Variants in TBXAS1 observed in about 807,000 individuals in gnomAD.
The protein encoded by TBXAS1 is thromboxane A synthase 1, also known as thromboxane-A synthase.
Under a neutral mutation model 60.7 loss-of-function variants are expected in TBXAS1, and 48 were observed. The observed-to-expected ratio is 0.79, with a 90% CI of 0.63 to 1.01. The LOEUF (loss-of-function observed/expected upper bound fraction) is 1.01. TBXAS1 is among the 50% of genes least tolerant of loss of function. TBXAS1 has a pLI of 0.00. For missense variants in TBXAS1, 685 were observed against 686.3 expected, an observed-to-expected ratio of 1.00 and a Z score of 0.02; for synonymous variants, 287 against 269.7, an observed-to-expected ratio of 1.06 and a Z score of -0.63.
intron 8 of TBXAS1, among the ~76,000 whole-genome samples, 181 bp downstream of exon 8, chr7:139,957,945 C>G (rs1484909244): frequency 2.0e-5 from 3 of 152,020 alleles, no homozygotes; most frequent in African/African-American, 7.2e-5. Flanking sequence ...GAAGGTCAGA[C>G]AAGAAAGGGA....
chr7:139,969,167 A>T (rs1811010282), intron 9 of TBXAS1, among the ~76,000 whole-genome samples: 1 of 152,204 alleles, frequency 6.6e-6, no homozygotes, highest in Non-Finnish European at 1.5e-5. Flanking sequence ...TAAATTTATC[A>T]CAGACTGGAT....
At chr7:139,822,861 T>C (rs984753745) in intron 4 of TBXAS1, among the ~76,000 whole-genome samples, 1 of 152,180 alleles carries the variant, frequency 6.6e-6, no homozygotes, top group African/African-American at 2.4e-5. Context: ...GGTCCTCATG[T>C]CAGGTAGAAA....
At chr7:140,015,672 C>A in intron 10 of TBXAS1, 51 bp from the exon 11 acceptor site, 1 of 1,607,442 alleles carries the variant, frequency 6.2e-7, no homozygotes. Flanking sequence ...GCCCCAAGCT[C>A]TGCTCCTCAT....
At chr7:139,903,135 C>T (rs1804706953) in intron 3 of TBXAS1, among the ~76,000 whole-genome samples, 1 of 152,048 alleles carries the variant, frequency 6.6e-6, no homozygotes, top group Admixed American at 6.5e-5. Flanking sequence ...TCCATTGTAT[C>T]ATTCGTATGC....
At position 139,955,594 on chromosome 7, in the gene TBXAS1, C is replaced by T. The variant is rs776662753; in HGVS notation, c.675C>T (p.Ile225=). The change falls in exon 7 of 13, where the codon ATC becomes ATT. Residue 225 remains isoleucine (I), a synonymous_variant. Coordinates refer to ENST00000448866, the MANE Select transcript of TBXAS1 (RefSeq NM_001061.7). ...TCGAATTCTGCATCCCCAGACCTAT[C>T]CTGGTTTTACTCTGTAAGTGCGGCT... ...RFFEFCIPRP[I]LVLLLSFPSI... is the part of the protein sequence containing the mutation. 1 of 1,614,206 alleles carries T rather than the reference C, an allele frequency of 6.2e-7. No homozygotes were observed. The highest frequency in any genetic ancestry group is 1.1e-5 in the South Asian group (1 of 91,084).
At chr7:139,878,888 A>C (rs538203002) in intron 3 of TBXAS1, among the ~76,000 whole-genome samples, 3 of 152,286 alleles carry the variant, frequency 2.0e-5, no homozygotes, top group Non-Finnish European at 2.9e-5. Flanking sequence ...CACACTCTAC[A>C]CTGTTGATGC....
At chr7:139,862,683 A>G (rs78811220) in intron 1 of TBXAS1, among the ~76,000 whole-genome samples, 1 of 152,254 alleles carries the variant, frequency 6.6e-6, no homozygotes, top group Non-Finnish European at 1.5e-5. Flanking sequence ...GGAGAAATCA[A>G]TGCAACAGGA....
At chr7:139,901,430 G>C (rs1410581225) in intron 3 of TBXAS1, among the ~76,000 whole-genome samples, 1 of 151,642 alleles carries the variant, frequency 6.6e-6, no homozygotes, top group African/African-American at 2.4e-5. Flanking sequence ...AAAAAATCTA[G>C]ATTATGCGTA....
chr7:139,996,766 C>T (rs997686988), intron 9 of TBXAS1, among the ~76,000 whole-genome samples: 1 of 152,198 alleles, frequency 6.6e-6, no homozygotes, highest in African/African-American at 2.4e-5. Flanking sequence ...AATACCAATT[C>T]CTGCACCCCA....
chr7:140,011,777 ATGTAC>A (rs1443259458), intron 10 of TBXAS1, among the ~76,000 whole-genome samples: 2 of 152,170 alleles, frequency 1.3e-5, no homozygotes, highest in Non-Finnish European at 2.9e-5. Flanking sequence ...TGCACAATGA[ATGTAC>A]TAAAACCACA....
At chr7:140,015,632 C>CT in intron 10 of TBXAS1, 91 bp from the exon 11 acceptor site, 1 of 1,467,770 alleles carries the variant, frequency 6.8e-7, no homozygotes, top group Non-Finnish European at 9.4e-7. Context: ...CCCTGATCCC[C>CT]TTCACACTCA....
Position 139,852,935 on chromosome 7 carries a change from T to TACACACACACACACAC in TBXAS1, c.90-19260_90-19245dup, listed in dbSNP as rs57545948. Reference sequence around the variant, plus strand: ...TGTGTACCAACCTTGGCTACTCCAATACACACACACACACACACACACACA... The same window carrying TACACACACACACACAC: ...TGTGTACCAACCTTGGCTACTCCAATACACACACACACACACACACACACACACACACACACACACA... On this transcript the variant is annotated intron_variant, in intron 1 of 12. Transcript: ENST00000448866. This position sits in a 1 kb window ranked among gnomAD's most constrained non-coding sequence, Gnocchi z 4.4. 7.8e-6 allele frequency among the ~76,000 whole-genome samples: 1 copy of TACACACACACACACAC among 127,426 alleles called. No individual in the cohort carries two copies. Among genetic ancestry groups the TACACACACACACACAC allele is most frequent in the Non-Finnish European group, 1.7e-5 (1 of 58,994 alleles). 83.6% of individuals were successfully genotyped at this position (127,426 alleles called of 152,430 possible).
At chr7:139,864,800 G>A (rs748579124) in intron 1 of TBXAS1, among the ~76,000 whole-genome samples, 2 of 152,144 alleles carry the variant, frequency 1.3e-5, no homozygotes, top group African/African-American at 4.8e-5. Flanking sequence ...TAACCCCTTG[G>A]AGGGATGTAA....
intron 4 of TBXAS1, among the ~76,000 whole-genome samples, chr7:139,821,679 T>C (rs578052726): frequency 6.6e-6 from 1 of 152,336 alleles, no homozygotes; most frequent in African/African-American, 2.4e-5. Flanking sequence ...GGACCCACAA[T>C]GAGTGGCACC....
intron 4 of TBXAS1, among the ~76,000 whole-genome samples, chr7:139,933,026 C>T (rs1335161311): frequency 6.6e-6 from 1 of 152,140 alleles, no homozygotes. Flanking sequence ...CAATGCACTA[C>T]CGCCTGGGTG....
intron 4 of TBXAS1, among the ~76,000 whole-genome samples, chr7:139,813,525 G>A (rs933901093): frequency 2.6e-5 from 4 of 152,190 alleles, no homozygotes; most frequent in African/African-American, 9.7e-5. Flanking sequence ...CAAAGGTTTG[G>A]TTATGTTATA....
rs559261119 is a variant in TBXAS1 at position 140,017,629 on chromosome 7, G to C, written c.1365-42G>C. On this transcript the variant is annotated intron_variant, in intron 11 of 12. Coordinates refer to ENST00000448866, the MANE Select transcript of TBXAS1 (RefSeq NM_001061.7). ...GGAGCACAGGGCTGCAGAGGGGAGG[G>C]AGCGGGTGTTCTGGGCCAGCCCTGA... 1.1e-5 allele frequency: 17 copies of C among 1,609,444 alleles called. No homozygotes were observed. In the East Asian group the frequency reaches 3.3e-4, roughly 32 times the overall value.
intron 9 of TBXAS1, among the ~76,000 whole-genome samples, chr7:139,995,508 C>A (rs1813225124): frequency 6.6e-6 from 1 of 152,122 alleles, no homozygotes; most frequent in Non-Finnish European, 1.5e-5. Context: ...GGCCATGCTG[C>A]ATCAGACCGG....
At chr7:139,820,040 G>GA (rs1798255213) in intron 4 of TBXAS1, among the ~76,000 whole-genome samples, 1 of 151,938 alleles carries the variant, frequency 6.6e-6, no homozygotes, top group Non-Finnish European at 1.5e-5. Context: ...TCAAACTCTG[G>GA]ATTCTAACTT....
Sources: gnomAD v4.1 joint callset for allele counts (sites outside exome capture counted in the v4.1 genomes callset) on GRCh38, gnomAD v4.1.1 for gene constraint, Gnocchi (gnomAD v3.1) non-coding constraint, MANE v1.5 for transcripts, NCBI Gene and HGNC (gene_info 2026-07-23, HGNC 2026-07-21) for gene names.